PSD2: variants seen among roughly 807,000 people sequenced by gnomAD.
PSD2 encodes the protein PH and SEC7 domain-containing protein 2.
Under a neutral mutation model 69.8 loss-of-function variants are expected in PSD2, and 38 were observed. The ratio of observed to expected loss-of-function variants is 0.54; its 90% CI spans 0.42 to 0.71. PSD2 has a LOEUF of 0.71. PSD2 is among the 30% of genes least tolerant of loss of function. PSD2 has a pLI of 0.00. For synonymous variants in PSD2, 412 were observed against 423.0 expected (o/e 0.97, Z 0.32); for missense variants, 943 against 1,014.5 (o/e 0.93, Z 0.96).
chr5:139,827,816 G>A (rs1760465862), intron 7 of PSD2, among the ~76,000 whole-genome samples: 1 of 152,176 alleles, frequency 6.6e-6, no homozygotes, highest in South Asian at 2.1e-4. Flanking sequence ...CATGAGAACA[G>A]CGTGGGGGAA....
At chr5:139,813,788 C>T in intron 3 of PSD2, 30 bp downstream of exon 3, 3 of 1,557,706 alleles carry the variant, frequency 1.9e-6, no homozygotes, top group Non-Finnish European at 2.6e-6. Context: ...GGGAGAACCA[C>T]CGAGCAGATG....
chr5:139,776,410 C>T, the PSD2 span, among the ~76,000 whole-genome samples: 1 of 152,310 alleles, frequency 6.6e-6, no homozygotes, highest in East Asian at 1.9e-4. Flanking sequence ...CATCCTGAGG[C>T]CCAGAGAGGA....
At chr5:139,823,765 C>T (rs1364477700) in intron 7 of PSD2, among the ~76,000 whole-genome samples, 2 of 152,148 alleles carry the variant, frequency 1.3e-5, no homozygotes, top group African/African-American at 2.4e-5. Context: ...AAAATTGTTA[C>T]GTAAAAAGAA....
chr5:139,790,521 T>G, the PSD2 span, among the ~76,000 whole-genome samples: 6 of 151,778 alleles, frequency 4.0e-5, no homozygotes, highest in Admixed American at 6.6e-5. Context: ...GCGGAGAAAC[T>G]AGCAAAGGAA....
At position 139,813,468 on chromosome 5, in the gene PSD2, G is replaced by T. The variant is rs1239594817; in HGVS notation, c.531G>T (p.Glu177Asp). The T allele has an allele frequency of 6.2e-7, 1 of 1,614,002 alleles. No individual in the cohort carries two copies. The highest frequency in any genetic ancestry group is 8.5e-7 in the Non-Finnish European group (1 of 1,179,874). ...AGAGCGACAGCTGCGTCAGCTTCGA[G>T]GCCCCCCTCACACCCCTCATCCAGC... is the stretch of plus-strand genomic sequence containing the variant. ...TDESDSCVSFEAPLTPLIQQR... is the reference protein window; with the variant it reads ...TDESDSCVSFDAPLTPLIQQR... The change falls in exon 3 of 15, where the codon GAG becomes GAT. Residue 177 changes from glutamate to aspartate, a missense_variant. By Grantham distance (45) the Glu-to-Asp change is conservative. This residue lies in a region of PSD2 where 466 missense variants were observed against 445.0 expected (regional missense o/e 1.05). Coordinates refer to ENST00000274710, the MANE Select transcript of PSD2 (RefSeq NM_032289.4).
chr5:139,800,282 A>G (rs953356787), intron 1 of PSD2, among the ~76,000 whole-genome samples: 46 of 152,396 alleles, frequency 3.0e-4, no homozygotes, highest in Admixed American at 1.5e-3. Context: ...GGGGCTGAGC[A>G]AAACAACTGC....
chr5:139,807,673 G>A (rs991126226), intron 1 of PSD2, among the ~76,000 whole-genome samples: 3 of 152,136 alleles, frequency 2.0e-5, no homozygotes, highest in African/African-American at 7.2e-5. Flanking sequence ...CAGGTCTGCT[G>A]TTCTACTCTC....
chr5:139,772,992 G>A, the PSD2 span: 3 of 152,136 alleles, frequency 2.0e-5, no homozygotes, highest in African/African-American at 7.2e-5. Flanking sequence ...AGGCAGGATT[G>A]AAAAAGCAAA....
At chr5:139,779,962 C>G in the PSD2 span, among the ~76,000 whole-genome samples, 2 of 152,132 alleles carry the variant, frequency 1.3e-5, no homozygotes, top group Non-Finnish European at 2.9e-5. Flanking sequence ...AGTTTGGAAC[C>G]ATTGTAAACA....
At chr5:139,750,496 C>A in the PSD2 span, among the ~76,000 whole-genome samples, 1 of 152,222 alleles carries the variant, frequency 6.6e-6, no homozygotes, top group African/African-American at 2.4e-5. Context: ...AGGGCATGAC[C>A]CTTCCCCATA....
the PSD2 span, among the ~76,000 whole-genome samples, chr5:139,766,888 C>T: frequency 0.21 from 14,263 of 68,238 alleles, 2,309 homozygotes; most frequent in Non-Finnish European, 0.25. Flanking sequence ...TCTTTCTTTC[C>T]TTCTTTCCCT....
intron 7 of PSD2, among the ~76,000 whole-genome samples, chr5:139,828,308 A>G (rs59241695): frequency 0.39 from 58,884 of 151,954 alleles, 13,302 homozygotes; most frequent in African/African-American, 0.63. Context: ...GGGAGAAGTC[A>G]TTCCAGGAGA....
In PSD2 at chr5:139,822,257, G is replaced by C. The variant is rs891633763; in HGVS notation, c.1210+252G>C. Among the ~76,000 whole-genome samples, 5 of 152,352 alleles carry C rather than the reference G, an allele frequency of 3.3e-5. No homozygotes were observed. In the East Asian group the frequency reaches 9.6e-4, roughly 29 times the overall value. Reference sequence around the variant, plus strand: ...GAAGTCCCTCCAGCCTCGGGATTCAGCTCTGGGGCTCTCCCTTCTCTGGGG... The same window carrying C: ...GAAGTCCCTCCAGCCTCGGGATTCACCTCTGGGGCTCTCCCTTCTCTGGGG... On this transcript the variant is annotated intron_variant, in intron 6 of 14. Coordinates refer to ENST00000274710, the MANE Select transcript of PSD2 (RefSeq NM_032289.4).
the PSD2 span, among the ~76,000 whole-genome samples, chr5:139,760,953 T>A: frequency 6.6e-6 from 1 of 152,164 alleles, no homozygotes; most frequent in Non-Finnish European, 1.5e-5. Context: ...AATGTTAGGC[T>A]GATAGAGGAA....
Position 139,817,551 on chromosome 5 carries a change from G to C in PSD2, c.1087G>C (p.Gly363Arg), listed in dbSNP as rs35714177. Reference protein sequence around the residue: ...FFDFSGLTLDGALRTFLKAFP... With the variant: ...FFDFSGLTLDRALRTFLKAFP... ...CGACTTCTCGGGCTTGACTCTGGAC[G>C]GAGCACTCAGGTCAGTGGGGCTGGG... The change falls in exon 5 of 15, where the codon GGA becomes CGA. Residue 363 changes from glycine (G) to arginine (R), a missense_variant. Gly to Arg is a moderately radical substitution (Grantham distance 125, BLOSUM62 -2). This residue lies in a region of PSD2 where 312 missense variants were observed against 400.7 expected (regional missense o/e 0.78). Coordinates refer to ENST00000274710, the MANE Select transcript of PSD2 (RefSeq NM_032289.4). 13,386 of 1,613,688 alleles carry C rather than the reference G, an allele frequency of 8.3e-3. 940 individuals are homozygous for C. In the African/African-American group the frequency reaches 0.16, roughly 19 times the overall value.
chr5:139,841,423 A>G (rs577995811), intron 14 of PSD2, among the ~76,000 whole-genome samples: 1 of 152,226 alleles, frequency 6.6e-6, no homozygotes, highest in African/African-American at 2.4e-5. Flanking sequence ...CCATCAATGA[A>G]CACTTGGCTT....
chr5:139,786,538 C>A, the PSD2 span, among the ~76,000 whole-genome samples: 1 of 152,220 alleles, frequency 6.6e-6, no homozygotes, highest in Non-Finnish European at 1.5e-5. Context: ...AAACATTCCC[C>A]CATTTTCCTT....
At chr5:139,817,732 G>A (rs553660179) in intron 5 of PSD2, among the ~76,000 whole-genome samples, 171 bp downstream of exon 5, 2 of 152,306 alleles carry the variant, frequency 1.3e-5, no homozygotes, top group South Asian at 2.1e-4. Flanking sequence ...AGTTAGGCGA[G>A]TGCCCACTTT....
At chr5:139,792,776 T>C (rs980335184), upstream of PSD2, among the ~76,000 whole-genome samples, 2 of 151,144 alleles carry the variant, frequency 1.3e-5, no homozygotes, top group Non-Finnish European at 2.9e-5. Flanking sequence ...CCTTCCTTCC[T>C]TCCTCCCTCC....
Sources: gnomAD v4.1 joint callset for allele counts (sites outside exome capture counted in the v4.1 genomes callset) on GRCh38, gnomAD v4.1.1 for gene constraint, gnomAD v4.1.1 regional missense constraint, MANE v1.5 for transcripts, NCBI Gene and HGNC (gene_info 2026-07-23, HGNC 2026-07-21) for gene names.